Variants in IFT56 observed in about 807,000 individuals in gnomAD.
IFT56 encodes intraflagellar transport protein 56.
the IFT56 span, among the ~76,000 whole-genome samples, chr7:139,155,316 C>T: frequency 0.25 from 37,694 of 152,000 alleles, 8,441 homozygotes; most frequent in African/African-American, 0.57. Context: ...TCTTGTCTAA[C>T]TGCCCTGGCT....
the IFT56 span, among the ~76,000 whole-genome samples, chr7:139,166,028 G>A: frequency 1.5e-4 from 23 of 152,262 alleles, no homozygotes; most frequent in Non-Finnish European, 2.6e-4. Context: ...CGTGATCTCC[G>A]CTCACCGCAA....
the IFT56 span, chr7:139,134,848 G>T: frequency 6.4e-7 from 1 of 1,567,898 alleles, no homozygotes; most frequent in Non-Finnish European, 8.7e-7. Context: ...GTAGATGAAT[G>T]CTTGGGTGAA....
the IFT56 span, among the ~76,000 whole-genome samples, chr7:139,134,087 C>A: frequency 6.6e-6 from 1 of 152,148 alleles, no homozygotes; most frequent in African/African-American, 2.4e-5. Context: ...GGATGGGAAG[C>A]AGAGGAAGGG....
At chr7:139,186,802 G>C in the IFT56 span, among the ~76,000 whole-genome samples, 2 of 152,090 alleles carry the variant, frequency 1.3e-5, no homozygotes, top group African/African-American at 4.8e-5. Flanking sequence ...AAAGGCAAAA[G>C]TGCTGATTGT....
At chr7:139,145,098 T>C in the IFT56 span, among the ~76,000 whole-genome samples, 12 of 152,294 alleles carry the variant, frequency 7.9e-5, no homozygotes, top group Admixed American at 2.6e-4. Flanking sequence ...AAGGGGCAAA[T>C]CAACTGATAC....
the IFT56 span, chr7:139,189,762 G>A: frequency 6.1e-6 from 1 of 164,752 alleles, no homozygotes; most frequent in Non-Finnish European, 1.3e-5. Flanking sequence ...TTATGGCATT[G>A]TCTCCTGGCT....
chr7:139,169,999 G>T, the IFT56 span, among the ~76,000 whole-genome samples: 1 of 152,320 alleles, frequency 6.6e-6, no homozygotes, highest in South Asian at 2.1e-4. Flanking sequence ...GGGCAACAGA[G>T]TGAGACCGTC....
At chr7:139,168,561 T>C in the IFT56 span, 3 of 595,222 alleles carry the variant, frequency 5.0e-6, no homozygotes, top group Non-Finnish European at 9.0e-6. Flanking sequence ...TGTTATGTTA[T>C]TTAGAGACAA....
At chr7:139,184,715 C>T in the IFT56 span, among the ~76,000 whole-genome samples, 2 of 152,044 alleles carry the variant, frequency 1.3e-5, no homozygotes, top group African/African-American at 4.8e-5. Context: ...TCAAGGCCAG[C>T]CAGGGCAACA....
chr7:139,180,279 T>G, the IFT56 span, among the ~76,000 whole-genome samples: 1 of 151,836 alleles, frequency 6.6e-6, no homozygotes, highest in African/African-American at 2.4e-5. Context: ...GGAGCTGCAG[T>G]GAGGGGAGAT....
the IFT56 span, among the ~76,000 whole-genome samples, chr7:139,168,976 C>A: frequency 1.3e-5 from 2 of 152,136 alleles, no homozygotes; most frequent in Non-Finnish European, 2.9e-5. Context: ...CTTGTTATAT[C>A]TACAGCTCCT....
the IFT56 span, among the ~76,000 whole-genome samples, chr7:139,162,402 A>C: frequency 6.6e-5 from 10 of 152,242 alleles, no homozygotes; most frequent in Non-Finnish European, 1.5e-5. Flanking sequence ...TAATTCTTAG[A>C]GAGTGGGATT....
the IFT56 span, among the ~76,000 whole-genome samples, chr7:139,169,522 G>A: frequency 7.2e-5 from 11 of 152,198 alleles, no homozygotes; most frequent in Non-Finnish European, 1.3e-4. Context: ...ACATCTCAGC[G>A]AAAGTGGGAT....
the IFT56 span, chr7:139,138,021 T>C: frequency 1.2e-6 from 1 of 814,404 alleles, no homozygotes; most frequent in African/African-American, 1.7e-5. Context: ...TACATATTCA[T>C]GGTAAAATTC....
At chr7:139,135,277 C>CAAAA in the IFT56 span, among the ~76,000 whole-genome samples, 38 of 62,360 alleles carry the variant, frequency 6.1e-4, no homozygotes, top group African/African-American at 1.3e-3. Flanking sequence ...GACTCCGTCT[C>CAAAA]AAAAAAAAAA....
At chr7:139,147,260 A>G in the IFT56 span, 1 of 1,613,052 alleles carries the variant, frequency 6.2e-7, no homozygotes, top group South Asian at 1.1e-5. Flanking sequence ...GAAGCTATAG[A>G]TATATATAAG....
At chr7:139,184,774 G>T in the IFT56 span, among the ~76,000 whole-genome samples, 1 of 152,194 alleles carries the variant, frequency 6.6e-6, no homozygotes, top group Non-Finnish European at 1.5e-5. Context: ...AGCTGGGCAG[G>T]CCGGGCGTGG....
At chr7:139,138,072 A>G in the IFT56 span, 1 of 533,996 alleles carries the variant, frequency 1.9e-6, no homozygotes, top group African/African-American at 1.9e-5. Flanking sequence ...ACCTATTTGC[A>G]TTCTTCAATT....
the IFT56 span, among the ~76,000 whole-genome samples, chr7:139,141,945 T>C: frequency 6.6e-6 from 1 of 152,220 alleles, no homozygotes; most frequent in Admixed American, 6.5e-5. Flanking sequence ...TGGTTTGGTA[T>C]ATGAACAACA....
Sources: allele counts gnomAD v4.1 joint callset (sites outside exome capture counted in the v4.1 genomes callset), GRCh38; gene constraint gnomAD v4.1.1; transcripts MANE v1.5; gene names NCBI Gene and HGNC (gene_info 2026-07-23, HGNC 2026-07-21).